RUFY3: variants seen among roughly 807,000 people sequenced by gnomAD.
RUFY3 encodes RUN and FYVE domain containing 3, also known as protein RUFY3.
Under a neutral mutation model 84.0 loss-of-function variants are expected in RUFY3, and 34 were observed. The observed-to-expected ratio is 0.40, with a 90% CI of 0.31 to 0.54. RUFY3 has a LOEUF of 0.54. Ranked by LOEUF, RUFY3 falls within the 20% of genes least tolerant of loss-of-function variation. The pLI is 0.39. For synonymous variants in RUFY3, 242 were observed against 252.9 expected (o/e 0.96, Z 0.41); for missense variants, 507 against 736.8 (o/e 0.69, Z 3.61).
In RUFY3 at chr4:70,722,169, T is replaced by G; in HGVS notation, c.-405T>G. The G allele has an allele frequency of 8.1e-7, 1 of 1,230,956 alleles. No homozygotes were observed. The highest frequency in any genetic ancestry group is 1.0e-6 in the Non-Finnish European group (1 of 987,736). 76.3% of individuals were successfully genotyped at this position (1,230,956 alleles called of 1,614,324 possible). A position where few individuals can be genotyped will look rare whatever the true frequency, so the allele number is the denominator to read the frequency against. On this transcript the variant is annotated 5_prime_UTR_variant, in exon 1 of 18. Coordinates refer to ENST00000381006, the MANE Select transcript of RUFY3 (RefSeq NM_001037442.4). The stretch of plus-strand genomic sequence containing the variant: ...TTTTTTTCTGCACAAAGGAGGAGGA[T>G]TTTTCACTTACTCATATCGAGGCCA...
intron 8 of RUFY3, among the ~76,000 whole-genome samples, chr4:70,781,234 C>T (rs77216780): frequency 2.0e-4 from 30 of 152,310 alleles, no homozygotes; most frequent in African/African-American, 7.2e-4. Context: ...CCTGTAATCC[C>T]AGCCCTTTGG....
At chr4:70,753,571 A>G (rs1175765019) in intron 1 of RUFY3, among the ~76,000 whole-genome samples, 1 of 152,170 alleles carries the variant, frequency 6.6e-6, no homozygotes, top group East Asian at 1.9e-4. Flanking sequence ...GATCTAGTTA[A>G]AGTGCAAAAC....
rs1391868790 is a variant in RUFY3 at position 70,762,679 on chromosome 4, A to T, written c.339A>T (p.Lys113Asn). The change falls in exon 2 of 18, where the codon AAA becomes AAT. Residue 113 changes from lysine to asparagine, a missense_variant. Coordinates refer to ENST00000381006, the MANE Select transcript of RUFY3 (RefSeq NM_001037442.4). ...QFFVVMEHCL[K>N]HGLKAKKTFL... ...TTGTGGTGATGGAGCACTGTCTGAAACATGGCTTGAAAGGTAGGCCATCAC... is the reference window on the plus strand; with the variant it reads ...TTGTGGTGATGGAGCACTGTCTGAATCATGGCTTGAAAGGTAGGCCATCAC... 6.2e-7 allele frequency: 1 copy of T among 1,611,812 alleles called. No individual in the cohort carries two copies. The highest frequency in any genetic ancestry group is 8.5e-7 in the Non-Finnish European group (1 of 1,178,926).
chr4:70,714,351 T>A (rs948854730), intron 1 of RUFY3, among the ~76,000 whole-genome samples: 1 of 152,198 alleles, frequency 6.6e-6, no homozygotes, highest in Non-Finnish European at 1.5e-5. Flanking sequence ...AAAAAATGGT[T>A]GTATATGTAA....
At chr4:70,729,389 T>G (rs1718833983) in intron 1 of RUFY3, among the ~76,000 whole-genome samples, 4 of 152,160 alleles carry the variant, frequency 2.6e-5, no homozygotes, top group African/African-American at 9.7e-5. Context: ...CCTGAGTAGC[T>G]GGGATTACAG....
chr4:70,784,027 C>G (rs964316354), intron 9 of RUFY3, among the ~76,000 whole-genome samples: 15 of 152,212 alleles, frequency 9.9e-5, no homozygotes, highest in Admixed American at 6.5e-5. Flanking sequence ...GGGACAAAAG[C>G]AGTTTTCCAT....
intron 6 of RUFY3, among the ~76,000 whole-genome samples, chr4:70,774,884 G>A (rs959884365): frequency 1.1e-4 from 16 of 151,696 alleles, no homozygotes; most frequent in Middle Eastern, 3.4e-3. Flanking sequence ...CTTTAAATGC[G>A]TCTAATAGAT....
chr4:70,792,739 G>A, intron 12 of RUFY3: 1 of 985,306 alleles, frequency 1.0e-6, no homozygotes, highest in Non-Finnish European at 1.2e-6. Flanking sequence ...TAGATTCCAT[G>A]TGTGCTTATA....
chr4:70,714,009 T>G (rs1741292996), intron 1 of RUFY3, among the ~76,000 whole-genome samples: 1 of 152,224 alleles, frequency 6.6e-6, no homozygotes, highest in Non-Finnish European at 1.5e-5. Flanking sequence ...ACTTACTGCT[T>G]ACTTTGTGCC....
chr4:70,711,713 T>C (rs907219078), intron 1 of RUFY3, among the ~76,000 whole-genome samples: 1 of 152,198 alleles, frequency 6.6e-6, no homozygotes, highest in African/African-American at 2.4e-5. Flanking sequence ...AGGTGTTCAG[T>C]GTCTTGGTGC....
chr4:70,719,423 A>G (rs1051675345), upstream of RUFY3, among the ~76,000 whole-genome samples: 2 of 152,204 alleles, frequency 1.3e-5, no homozygotes, highest in African/African-American at 4.8e-5. Flanking sequence ...AAGTTAGTAA[A>G]TGCTTACTGG....
At chr4:70,804,683 C>T (rs780432828) in intron 17 of RUFY3, among the ~76,000 whole-genome samples, 4 of 150,118 alleles carry the variant, frequency 2.7e-5, no homozygotes, top group Non-Finnish European at 4.4e-5. Context: ...TTTGGGAGGC[C>T]GAGGCGGGCC....
chr4:70,802,155 C>A (rs1461272890), intron 15 of RUFY3, among the ~76,000 whole-genome samples: 1 of 152,118 alleles, frequency 6.6e-6, no homozygotes, highest in African/African-American at 2.4e-5. Context: ...GTTTTTAAGT[C>A]CTTTGGCTCT....
intron 1 of RUFY3, among the ~76,000 whole-genome samples, chr4:70,744,622 A>T (rs1721877254): frequency 1.4e-5 from 2 of 148,078 alleles, no homozygotes; most frequent in South Asian, 2.2e-4. Flanking sequence ...TTTTTGTTTC[A>T]GTTCTGTCAC....
chr4:70,742,626 T>G (rs1313603138), intron 1 of RUFY3, among the ~76,000 whole-genome samples: 1 of 152,246 alleles, frequency 6.6e-6, no homozygotes, highest in Non-Finnish European at 1.5e-5. Context: ...AGGAAGGCTT[T>G]TTACTTATTC....
rs781151980 is a variant in RUFY3, at chr4:70,775,219, G to A, written c.810G>A (p.Leu270=). The A allele has an allele frequency of 1.4e-5, 22 of 1,590,804 alleles. No individual in the cohort carries two copies. The highest frequency in any genetic ancestry group is 1.7e-5 in the Non-Finnish European group (20 of 1,164,106). Residue 270 remains leucine (L), a synonymous_variant, in exon 7 of 18, where the codon CTG becomes CTA. Coordinates refer to ENST00000381006, the MANE Select transcript of RUFY3 (RefSeq NM_001037442.4). ...ILDQKNYVEE[L]NRHLNATVNN... is the part of the protein sequence containing the mutation. Reference sequence around the variant, plus strand: ...ACCAGAAGAACTATGTAGAAGAACTGAACAGACATTTGAAGTAAATAATGA... The same window carrying A: ...ACCAGAAGAACTATGTAGAAGAACTAAACAGACATTTGAAGTAAATAATGA...
At chr4:70,711,695 T>C (rs571408261) in intron 1 of RUFY3, among the ~76,000 whole-genome samples, 1 of 152,346 alleles carries the variant, frequency 6.6e-6, no homozygotes, top group East Asian at 1.9e-4. Context: ...GCCAGAGATC[T>C]GGAGTTTAGG....
At chr4:70,768,739 C>T in intron 5 of RUFY3, 78 bp downstream of exon 5, 1 of 1,356,188 alleles carries the variant, frequency 7.4e-7, no homozygotes, top group Non-Finnish European at 1.0e-6. Flanking sequence ...TAGGTTATAC[C>T]AACCAAATTA....
intron 1 of RUFY3, among the ~76,000 whole-genome samples, chr4:70,750,067 C>T (rs1722890207): frequency 6.6e-6 from 1 of 151,748 alleles, no homozygotes; most frequent in African/African-American, 2.4e-5. Context: ...GTAGCATGAT[C>T]ATAGCTCTCG....
Sources: gnomAD v4.1 joint callset for allele counts (sites outside exome capture counted in the v4.1 genomes callset) on GRCh38, gnomAD v4.1.1 for gene constraint, MANE v1.5 for transcripts, NCBI Gene and HGNC (gene_info 2026-07-23, HGNC 2026-07-21) for gene names.